ATRX: variants seen among roughly 807,000 people sequenced by gnomAD.
The protein encoded by ATRX is chromatin remodeler ATRX.
Under a neutral mutation model 172.6 loss-of-function variants are expected in ATRX, and 12 were observed. The observed-to-expected ratio is 0.07, with a 90% confidence interval of 0.04 to 0.11. The LOEUF is 0.11. Among genes scored for constraint, ATRX ranks in the 10% least tolerant of loss-of-function variants. ATRX has a pLI of 1.00. For synonymous variants in ATRX, 674 were observed against 594.7 expected, an observed-to-expected ratio of 1.13 and a Z score of -1.94; for missense variants, 1,368 against 1,767.4, an observed-to-expected ratio of 0.77 and a Z score of 4.05.
At chrX:77,592,866 C>A (rs1029063990) in intron 26 of ATRX, among the ~76,000 whole-genome samples, 6 of 108,151 alleles carry the variant, frequency 5.5e-5, no homozygotes, top group African/African-American at 6.7e-5. Context: ...GGTGAAGATG[C>A]AAAGAAAGGA....
chrX:77,728,393 G>T lies in ATRX; in HGVS notation c.21-11150C>A, dbSNP rs782399177. Among the ~76,000 whole-genome samples the T allele has an allele frequency of 4.5e-5, 5 of 111,417 alleles. No individual in the cohort carries two copies. In the South Asian group the frequency reaches 1.9e-3, roughly 41 times the overall value. ...TGGCTTAATTAGGATCATCCTTTTG[G>T]TTAGTAATTAAATATGTTTGGTTAG... On this transcript the variant is annotated intron_variant, in intron 1 of 34. Coordinates refer to ENST00000373344, the MANE Select transcript of ATRX (RefSeq NM_000489.6).
intron 1 of ATRX, among the ~76,000 whole-genome samples, chrX:77,762,438 T>C (rs781936185): frequency 1.8e-5 from 2 of 110,938 alleles, no homozygotes; most frequent in South Asian, 7.5e-4. Context: ...ATATATTACT[T>C]GTACATAGCT....
intron 27 of ATRX, among the ~76,000 whole-genome samples, chrX:77,581,609 T>G: frequency 9.0e-6 from 1 of 111,651 alleles, no homozygotes; most frequent in East Asian, 2.8e-4. Context: ...CCCAATAAAA[T>G]AATAGCTGGA....
At chrX:77,643,480 G>T (rs2068758432) in intron 15 of ATRX, among the ~76,000 whole-genome samples, 2 of 111,179 alleles carry the variant, frequency 1.8e-5, no homozygotes, top group African/African-American at 6.6e-5. Flanking sequence ...GAACTCCTGG[G>T]TTGAATTGAT....
intron 1 of ATRX, among the ~76,000 whole-genome samples, chrX:77,720,393 T>G (rs1020856569): frequency 1.8e-5 from 2 of 111,240 alleles, no homozygotes; most frequent in Non-Finnish European, 3.8e-5. Flanking sequence ...ATTCAGGAGG[T>G]GTTTTTTTGA....
intron 30 of ATRX, among the ~76,000 whole-genome samples, chrX:77,542,931 G>C (rs914578196): frequency 2.0e-4 from 22 of 111,663 alleles, no homozygotes; most frequent in Non-Finnish European, 2.4e-4. Context: ...AAAACCAAAA[G>C]CAATGGCAAC....
At chrX:77,599,934 G>T in intron 23 of ATRX, 114 bp from the exon 24 acceptor site, 1 of 610,200 alleles carries the variant, frequency 1.6e-6, no homozygotes, top group South Asian at 2.6e-5. Flanking sequence ...AAGGACTGAG[G>T]AACTATTACA....
chrX:77,754,577 T>C (rs2075420789), intron 1 of ATRX, among the ~76,000 whole-genome samples: 1 of 111,938 alleles, frequency 8.9e-6, no homozygotes, highest in African/African-American at 3.2e-5. Context: ...GTAAAGGATT[T>C]TATTCCTCCT....
chrX:77,585,583 CA>C (rs781792876), intron 27 of ATRX, among the ~76,000 whole-genome samples: 13 of 8,552 alleles, frequency 1.5e-3, no homozygotes, highest in Admixed American at 2.4e-3. Flanking sequence ...CTCCCCCCAC[CA>C]AAAAAAAAAA....
Position 77,685,018 on chromosome X carries a change from A to G in ATRX, c.595-12T>C. 1.7e-6 allele frequency: 2 copies of G among 1,152,250 alleles called. No homozygotes were observed. The highest frequency in any genetic ancestry group is 2.4e-6 in the Non-Finnish European group (2 of 841,803). The allele number at this position is 1,152,250 out of a possible 1,213,427, so 95.0% of individuals were successfully genotyped here. On this transcript the variant is annotated splice_polypyrimidine_tract_variant and intron_variant, in intron 7 of 34. Transcript: ENST00000373344. ...TACTTAAAGCAATTCTATTAAAAGA[A>G]AAGAGGAAGGGGAAATTTAATTCGA...
chrX:77,566,480 T>C (rs1557064599), intron 28 of ATRX, among the ~76,000 whole-genome samples: 1 of 112,199 alleles, frequency 8.9e-6, no homozygotes, highest in African/African-American at 3.2e-5. Context: ...AGGCCAGGCA[T>C]GGTGGCTCAC....
At chrX:77,580,845 TACA>T (rs1259597898) in intron 27 of ATRX, among the ~76,000 whole-genome samples, 1 of 111,763 alleles carries the variant, frequency 8.9e-6, no homozygotes, top group Non-Finnish European at 1.9e-5. Flanking sequence ...CAAAAATAAC[TACA>T]ACAACATATC....
intron 30 of ATRX, among the ~76,000 whole-genome samples, chrX:77,529,953 G>A (rs1335782894): frequency 2.7e-5 from 3 of 111,963 alleles, no homozygotes; most frequent in Non-Finnish European, 3.8e-5. Context: ...ATGTGGACCT[G>A]ATAGATATTT....
At chrX:77,633,761 T>C (rs880001758) in intron 17 of ATRX, 49 bp from the exon 18 acceptor site, 1 of 1,127,343 alleles carries the variant, frequency 8.9e-7, no homozygotes, top group Non-Finnish European at 1.2e-6. Context: ...ACAAAAAAAT[T>C]TAATAAATTA....
At chrX:77,678,221 CAAA>C (rs1313220025) in intron 9 of ATRX, among the ~76,000 whole-genome samples, 3 of 52,685 alleles carry the variant, frequency 5.7e-5, no homozygotes, top group Non-Finnish European at 4.1e-5. Flanking sequence ...GACTTCAACT[CAAA>C]AAAAAAAAAA....
intron 1 of ATRX, among the ~76,000 whole-genome samples, chrX:77,755,391 G>T (rs1400895561): frequency 8.9e-6 from 1 of 112,098 alleles, no homozygotes; most frequent in Non-Finnish European, 1.9e-5. Context: ...GAGGAGCTGT[G>T]TTCATTTGAA....
At position 77,763,108 on chromosome X, in the gene ATRX, G is replaced by A. The variant is rs1557193653; in HGVS notation, c.20+22874C>T. ...AAGCTGGGTGACAGGTACTTAGGGG[G>A]TTTCGTTATTTTATATATATATATA... On this transcript the variant is annotated intron_variant, in intron 1 of 34. Coordinates refer to ENST00000373344, the MANE Select transcript of ATRX (RefSeq NM_000489.6). Among the ~76,000 whole-genome samples, 4 of 109,882 alleles carry A rather than the reference G, an allele frequency of 3.6e-5. No individual in the cohort carries two copies. In the South Asian group the frequency reaches 1.1e-3, roughly 32 times the overall value.
In ATRX at chrX:77,663,086, G is replaced by A. The variant is rs144831818; in HGVS notation, c.4120+296C>T. Among the ~76,000 whole-genome samples the A allele has an allele frequency of 7.6e-3, 845 of 110,937 alleles. 4 individuals carry two copies. The highest frequency in any genetic ancestry group is 0.01 in the Non-Finnish European group (531 of 52,953). ...TTTTGAGACAGGGTCTCACTCTGTC[G>A]CCCAGGCTGCAATGCAGTGGTGCAA... On this transcript the variant is annotated intron_variant, in intron 12 of 34. Transcript: ENST00000373344.
intron 1 of ATRX, among the ~76,000 whole-genome samples, chrX:77,770,849 G>C (rs1480287196): frequency 4.5e-5 from 5 of 111,871 alleles, no homozygotes; most frequent in Non-Finnish European, 9.4e-5. Flanking sequence ...TGTGATTTAA[G>C]GGCAACATAT....
Sources: gnomAD v4.1 joint callset for allele counts (sites outside exome capture counted in the v4.1 genomes callset) on GRCh38, gnomAD v4.1.1 for gene constraint, MANE v1.5 for transcripts, NCBI Gene and HGNC (gene_info 2026-07-23, HGNC 2026-07-21) for gene names.